The following PLXDC2 variants were observed in gnomAD, a reference collection of about 807,000 sequenced individuals.
The protein encoded by PLXDC2 is plexin domain containing 2.
A neutral mutation model predicts 68.9 loss-of-function variants in PLXDC2; 40 were observed. The ratio of observed to expected loss-of-function variants is 0.58; its 90% CI spans 0.45 to 0.76. The LOEUF (loss-of-function observed/expected upper bound fraction) is 0.76, where lower values mean the gene tolerates loss of function less well. PLXDC2 is among the 30% of genes least tolerant of loss of function. PLXDC2 has a pLI of 0.00. For missense variants in PLXDC2, 644 were observed against 661.9 expected, an observed-to-expected ratio of 0.97 and a Z score of 0.30; for synonymous variants, 243 against 234.2, an observed-to-expected ratio of 1.04 and a Z score of -0.34.
At chr10:19,928,639 C>T (rs1833578532) in intron 1 of PLXDC2, among the ~76,000 whole-genome samples, 1 of 152,012 alleles carries the variant, frequency 6.6e-6, no homozygotes, top group Admixed American at 6.6e-5. Context: ...ATTCTCAGGA[C>T]CTTGCTGCAT....
At chr10:20,016,181 C>T (rs1045733387) in intron 2 of PLXDC2, among the ~76,000 whole-genome samples, 5 of 152,158 alleles carry the variant, frequency 3.3e-5, no homozygotes, top group African/African-American at 1.2e-4. Context: ...AGAAAAGAAA[C>T]AATTCTGGGT....
chr10:19,916,521 A>C (rs1359293730), intron 1 of PLXDC2, among the ~76,000 whole-genome samples: 1 of 152,070 alleles, frequency 6.6e-6, no homozygotes, highest in African/African-American at 2.4e-5. Context: ...AAAATACTCA[A>C]ATAAAAATTA....
intron 4 of PLXDC2, chr10:20,071,255 A>G (rs1168801530): frequency 6.6e-6 from 1 of 152,174 alleles, no homozygotes; most frequent in Non-Finnish European, 1.5e-5. Context: ...TTGAGCCCCT[A>G]GAAAACACAA....
intron 1 of PLXDC2, among the ~76,000 whole-genome samples, chr10:19,914,914 T>C (rs1335857184): frequency 6.6e-6 from 1 of 152,208 alleles, no homozygotes; most frequent in African/African-American, 2.4e-5. Context: ...GTGGTATTAA[T>C]GTAGCCACTC....
At chr10:20,274,747 C>T (rs1835983542) in intron 13 of PLXDC2, among the ~76,000 whole-genome samples, 1 of 152,024 alleles carries the variant, frequency 6.6e-6, no homozygotes, top group Non-Finnish European at 1.5e-5. Context: ...TACAGCCACA[C>T]ACAGGAGCCG....
At position 20,156,940 on chromosome 10, in the gene PLXDC2, GAC is replaced by G. The variant is rs564950535; in HGVS notation, c.784-7526_784-7525del. ...TTTATGTGTTTGTTTGTTTTGTAGA[GAC>G]AGTTTCTTGCTCTGTCATCCAGGCT... On this transcript the variant is annotated intron_variant, in intron 6 of 13. Transcript: ENST00000377252. Among the ~76,000 whole-genome samples, 218 of 152,298 alleles carry G rather than the reference GAC, an allele frequency of 1.4e-3. 1 individual carries two copies. The highest frequency in any genetic ancestry group is 4.0e-3 in the African/African-American group (168 of 41,574).
intron 13 of PLXDC2, among the ~76,000 whole-genome samples, chr10:20,257,811 TTTTTTAA>T (rs1316490582): frequency 6.6e-6 from 1 of 152,010 alleles, no homozygotes; most frequent in Non-Finnish European, 1.5e-5. Flanking sequence ...CTTTTTTAAT[TTTTTTAA>T]TTTTTAATTT....
chr10:20,124,947 G>T (rs1472996662), intron 4 of PLXDC2, among the ~76,000 whole-genome samples: 2 of 152,108 alleles, frequency 1.3e-5, no homozygotes, highest in African/African-American at 4.8e-5. Flanking sequence ...AATGACCTTT[G>T]GTTTAGAAAG....
intron 1 of PLXDC2, among the ~76,000 whole-genome samples, chr10:19,978,139 A>G (rs1306543798): frequency 6.6e-6 from 1 of 151,864 alleles, no homozygotes; most frequent in Non-Finnish European, 1.5e-5. Flanking sequence ...GTTCTTTTCC[A>G]TTTTATTTGT....
At chr10:20,153,766 A>C (rs1157248830) in intron 6 of PLXDC2, among the ~76,000 whole-genome samples, 1 of 152,186 alleles carries the variant, frequency 6.6e-6, no homozygotes, top group East Asian at 1.9e-4. Context: ...TTTTCCAAAG[A>C]TATGGAACAA....
At chr10:20,162,071 A>AGAAG (rs1181393820) in intron 6 of PLXDC2, among the ~76,000 whole-genome samples, 1,001 of 44,476 alleles carry the variant, frequency 0.023, 14 homozygotes, top group South Asian at 0.064. Flanking sequence ...AGAGAGAGAG[A>AGAAG]GAAGGAAGGA....
intron 1 of PLXDC2, among the ~76,000 whole-genome samples, chr10:19,825,050 C>G (rs780075456): frequency 1.3e-5 from 2 of 152,062 alleles, no homozygotes; most frequent in Non-Finnish European, 2.9e-5. Context: ...TTTACCTTAC[C>G]CTTCAAATTA....
At chr10:20,273,263 A>AT (rs749249351) in intron 13 of PLXDC2, among the ~76,000 whole-genome samples, 1 of 151,848 alleles carries the variant, frequency 6.6e-6, no homozygotes, top group Non-Finnish European at 1.5e-5. Context: ...TTTATTTTTT[A>AT]TTTTTAATGA....
intron 9 of PLXDC2, among the ~76,000 whole-genome samples, chr10:20,182,040 A>G (rs1834611736): frequency 1.3e-5 from 2 of 148,756 alleles, no homozygotes; most frequent in African/African-American, 5.0e-5. Context: ...AGATGAATGA[A>G]TGCAAGGTGT....
At chr10:20,162,718 A>G (rs1211117706) in intron 6 of PLXDC2, among the ~76,000 whole-genome samples, 6 of 152,076 alleles carry the variant, frequency 3.9e-5, no homozygotes, top group Non-Finnish European at 8.8e-5. Context: ...AATGCTCACT[A>G]AGAAAGAGGA....
intron 1 of PLXDC2, among the ~76,000 whole-genome samples, chr10:19,934,571 G>A (rs1433321069): frequency 1.3e-5 from 2 of 152,184 alleles, no homozygotes; most frequent in African/African-American, 4.8e-5. Flanking sequence ...AATAGTCTTG[G>A]CCCGACTCCA....
At chr10:20,038,880 A>G (rs1411636082) in intron 2 of PLXDC2, among the ~76,000 whole-genome samples, 1 of 152,126 alleles carries the variant, frequency 6.6e-6, no homozygotes, top group Non-Finnish European at 1.5e-5. Context: ...CATTGCTTTC[A>G]ATGAGGTCTG....
At position 20,189,568 on chromosome 10, in the gene PLXDC2, T is replaced by TAC. The variant is rs57907695; in HGVS notation, c.1061+12163_1061+12164dup. ...ACACACACACACACATATATATATA[T>TAC]ACACATATATATAAAAGTTTATTAG... On this transcript the variant is annotated intron_variant, in intron 9 of 13. Transcript: ENST00000377252. Among the ~76,000 whole-genome samples, 9 of 145,306 alleles carry TAC rather than the reference T, an allele frequency of 6.2e-5. 1 individual carries two copies. Among genetic ancestry groups the TAC allele is most frequent in the African/African-American group, 1.8e-4 (7 of 39,606 alleles).
intron 1 of PLXDC2, among the ~76,000 whole-genome samples, chr10:19,912,345 C>T (rs10508603): frequency 0.046 from 6,953 of 152,220 alleles, 198 homozygotes; most frequent in Middle Eastern, 0.13. Context: ...AGGAATCAAT[C>T]TGAGCTTTCC....
Sources: allele counts gnomAD v4.1 joint callset (sites outside exome capture counted in the v4.1 genomes callset), GRCh38; gene constraint gnomAD v4.1.1; transcripts MANE v1.5; gene names NCBI Gene and HGNC (gene_info 2026-07-23, HGNC 2026-07-21).